Variants in RGS5 observed in about 807,000 individuals in gnomAD.
RGS5 encodes regulator of G-protein signalling 5.
Under a neutral mutation model 18.9 loss-of-function variants are expected in RGS5, and 20 were observed. That is an observed-to-expected ratio of 1.06 (90% CI 0.74 to 1.54). The LOEUF (loss-of-function observed/expected upper bound fraction) is 1.54. Among genes scored for constraint, RGS5 ranks in the 40% most tolerant of loss-of-function variants. RGS5 has a pLI of 0.00. For synonymous variants in RGS5, 57 were observed against 76.2 expected, an observed-to-expected ratio of 0.75 and a Z score of 1.31; for missense variants, 201 against 211.8, an observed-to-expected ratio of 0.95 and a Z score of 0.32.
At position 163,180,970 on chromosome 1, in the gene RGS5, AG is replaced by A. The variant is rs1658816934; in HGVS notation, c.45-12603del. Among the ~76,000 whole-genome samples, 16 of 152,236 alleles carry A rather than the reference AG, an allele frequency of 1.1e-4. 1 individual carries two copies. The South Asian group carries it at 3.1e-3, about 30-fold the overall frequency. On this transcript the variant is annotated intron_variant, in intron 1 of 4. Transcript: ENST00000313961. ...CCGCCTCCCAAAGTGCTGGTATTAC[AG>A]GCGTGAGCCACCGCGCCCGCCCCCC...
chr1:163,306,692 T>A (rs556295592), intron 1 of RGS5, among the ~76,000 whole-genome samples: 2 of 152,310 alleles, frequency 1.3e-5, no homozygotes, highest in East Asian at 3.9e-4. Flanking sequence ...TGGGTCTTAC[T>A]CTAATATAAT....
At chr1:163,206,122 T>C (rs1289573301), upstream of RGS5, among the ~76,000 whole-genome samples, 2 of 152,196 alleles carry the variant, frequency 1.3e-5, no homozygotes, top group African/African-American at 4.8e-5. Flanking sequence ...GTCAATAGGT[T>C]GTGATATTGC....
chr1:163,181,738 A>G (rs150398935), intron 1 of RGS5, among the ~76,000 whole-genome samples: 1 of 152,186 alleles, frequency 6.6e-6, no homozygotes, highest in East Asian at 1.9e-4. Context: ...TCCCCAAGGA[A>G]GACCAAGGAA....
chr1:163,168,432 T>A, intron 1 of RGS5, 64 bp from the exon 2 acceptor site: 1 of 1,198,970 alleles, frequency 8.3e-7, no homozygotes, highest in East Asian at 2.4e-5. Flanking sequence ...TAAGAAGAGA[T>A]TTCTTCCTGT....
chr1:163,231,865 C>T (rs1382177048), intron 2 of RGS5, among the ~76,000 whole-genome samples: 3 of 151,658 alleles, frequency 2.0e-5, no homozygotes, highest in South Asian at 2.1e-4. Context: ...TCCTTGTTAT[C>T]GTTATATGTG....
At chr1:163,170,519 G>A (rs928568139) in intron 1 of RGS5, among the ~76,000 whole-genome samples, 2 of 152,098 alleles carry the variant, frequency 1.3e-5, no homozygotes, top group Admixed American at 6.6e-5. Flanking sequence ...CAGGGAGGCT[G>A]TGATGAGGCA....
At chr1:163,164,759 G>T (rs1657969454) in intron 2 of RGS5, among the ~76,000 whole-genome samples, 2 of 152,300 alleles carry the variant, frequency 1.3e-5, no homozygotes, top group South Asian at 4.1e-4. Flanking sequence ...ACTGCTATTG[G>T]CAATGCTGGC....
intron 1 of RGS5, chr1:163,319,184 T>C (rs1650112451): frequency 1.3e-5 from 2 of 152,368 alleles, no homozygotes; most frequent in East Asian, 1.9e-4. Context: ...CCACTTGCAT[T>C]AAAGTCCTAG....
chr1:163,221,770 G>A (rs764244309), upstream of RGS5, among the ~76,000 whole-genome samples: 3 of 152,158 alleles, frequency 2.0e-5, no homozygotes, highest in Non-Finnish European at 2.9e-5. Context: ...GCTTCCTGAT[G>A]AAGTTTATAA....
intron 3 of RGS5, among the ~76,000 whole-genome samples, chr1:163,153,899 T>C (rs1657481824): frequency 6.6e-6 from 1 of 152,062 alleles, no homozygotes; most frequent in South Asian, 2.1e-4. Flanking sequence ...TCATTTATTA[T>C]CTAAGAAAAA....
At chr1:163,165,895 A>C (rs1041082543) in intron 2 of RGS5, among the ~76,000 whole-genome samples, 16 of 125,646 alleles carry the variant, frequency 1.3e-4, no homozygotes, top group African/African-American at 4.5e-4. Context: ...AAAAGAGCGA[A>C]ATTCCGTCTC....
At chr1:163,198,274 G>C (rs1290943357) in intron 1 of RGS5, among the ~76,000 whole-genome samples, 1 of 152,036 alleles carries the variant, frequency 6.6e-6, no homozygotes, top group Non-Finnish European at 1.5e-5. Context: ...ACACCCTTGA[G>C]ATGGCCAAAA....
Position 163,176,813 on chromosome 1 carries a change from G to A in RGS5, c.45-8445C>T, listed in dbSNP as rs576747344. The stretch of plus-strand genomic sequence containing the variant: ...TCTCATTGAGTTTATGTTTAAATTG[G>A]GCAAGACAGATACAAAACAAGAAAT... On this transcript the variant is annotated intron_variant, in intron 1 of 4. Transcript: ENST00000313961. 2.6e-5 allele frequency among the ~76,000 whole-genome samples: 4 copies of A among 152,028 alleles called. No individual in the cohort carries two copies. In the East Asian group the frequency reaches 7.7e-4, roughly 29 times the overall value.
At chr1:163,159,904 C>T (rs1657735198) in intron 3 of RGS5, among the ~76,000 whole-genome samples, 3 of 152,048 alleles carry the variant, frequency 2.0e-5, no homozygotes, top group Admixed American at 2.0e-4. Flanking sequence ...TGTATACACA[C>T]ATACATACAT....
intron 1 of RGS5, among the ~76,000 whole-genome samples, chr1:163,320,568 G>A (rs1322964534): frequency 1.3e-5 from 2 of 152,118 alleles, no homozygotes; most frequent in African/African-American, 4.8e-5. Flanking sequence ...ATAATTTGGT[G>A]GAAATTATGC....
chr1:163,223,097 G>A (rs529850769), intron 2 of RGS5, among the ~76,000 whole-genome samples: 2 of 152,090 alleles, frequency 1.3e-5, no homozygotes, highest in East Asian at 1.9e-4. Context: ...CTCCCACCTC[G>A]GTCTCTCAAA....
chr1:163,249,381 C>A (rs557605501), intron 2 of RGS5, among the ~76,000 whole-genome samples: 1 of 152,322 alleles, frequency 6.6e-6, no homozygotes, highest in South Asian at 2.1e-4. Context: ...TTTTTCACAA[C>A]ATGAAAGATG....
chr1:163,216,419 T>A (rs1477298019), intron 1 of RGS5, among the ~76,000 whole-genome samples: 1 of 152,152 alleles, frequency 6.6e-6, no homozygotes, highest in Non-Finnish European at 1.5e-5. Context: ...CCAGATGGGC[T>A]CCAGCCTTCA....
intron 2 of RGS5, among the ~76,000 whole-genome samples, chr1:163,293,529 T>A (rs552711804): frequency 1.3e-5 from 2 of 152,294 alleles, no homozygotes; most frequent in South Asian, 4.1e-4. Context: ...AAAATTTGAA[T>A]TACAATTTGA....
Sources: allele counts gnomAD v4.1 joint callset (sites outside exome capture counted in the v4.1 genomes callset), GRCh38; gene constraint gnomAD v4.1.1; transcripts MANE v1.5; gene names NCBI Gene and HGNC (gene_info 2026-07-23, HGNC 2026-07-21).